Variants in NRP1 observed in about 807,000 individuals in gnomAD.
The protein encoded by NRP1 is neuropilin 1, also known as neuropilin-1.
A neutral mutation model predicts 106.7 loss-of-function variants in NRP1; 35 were observed. The observed-to-expected ratio is 0.33, with a 90% CI of 0.25 to 0.43. The LOEUF is 0.43. Ranked by LOEUF, NRP1 falls within the 20% of genes least tolerant of loss-of-function variation. NRP1 has a pLI of 1.00. For synonymous variants in NRP1, 437 were observed against 417.9 expected (o/e 1.05, Z -0.56); for missense variants, 1,024 against 1,170.4 (o/e 0.87, Z 1.83).
chr10:33,259,704 A>C (rs979380784), intron 4 of NRP1, among the ~76,000 whole-genome samples: 1 of 152,232 alleles, frequency 6.6e-6, no homozygotes, highest in Non-Finnish European at 1.5e-5. Context: ...ATATGCCTAC[A>C]ACGGGCAATG....
chr10:33,186,356 T>C lies in NRP1; in HGVS notation c.2195A>G (p.His732Arg), dbSNP rs750158069. 75 of 1,614,020 alleles carry C rather than the reference T, an allele frequency of 4.6e-5. 1 individual carries two copies. Among genetic ancestry groups the C allele is most frequent in the South Asian group, 1.9e-4 (17 of 91,076 alleles). The change falls in exon 14 of 17, where the codon CAC (histidine) becomes CGC (arginine). Residue 732 changes from histidine to arginine, a missense_variant. His to Arg is a conservative substitution (Grantham distance 29). Coordinates refer to ENST00000374867, the MANE Select transcript of NRP1 (RefSeq NM_003873.7). ...CAGTTTGACCCTGAGTGTGCCGACG[T>C]GGGACCCAGACATGTGATACCAGAA... ...MTFWYHMSGS[H>R]VGTLRVKLRY...
chr10:33,236,029 G>C (rs1840527074), intron 6 of NRP1, among the ~76,000 whole-genome samples: 1 of 152,116 alleles, frequency 6.6e-6, no homozygotes, highest in African/African-American at 2.4e-5. Context: ...GTTCTTTCCA[G>C]GCAGTAAAAG....
intron 8 of NRP1, among the ~76,000 whole-genome samples, chr10:33,218,642 G>C (rs1432663787): frequency 1.3e-5 from 2 of 152,092 alleles, no homozygotes; most frequent in African/African-American, 4.8e-5. Flanking sequence ...ACTGCGCCCA[G>C]TCCAGGATTA....
Position 33,226,294 on chromosome 10 carries a change from A to C in NRP1, c.982-5T>G. 6.2e-7 allele frequency: 1 copy of C among 1,614,060 alleles called. No individual in the cohort carries two copies. The highest frequency in any genetic ancestry group is 1.3e-5 in the African/African-American group (1 of 75,054). On this transcript the variant is annotated splice_region_variant and splice_polypyrimidine_tract_variant and intron_variant, in intron 6 of 16. Transcript: ENST00000374867. ...GCGCAGAAGGCCCAAGTCTACCTGCAAGACAAGTACAAGCGTGGTCAGTGC... is the reference window on the plus strand; with the variant it reads ...GCGCAGAAGGCCCAAGTCTACCTGCCAGACAAGTACAAGCGTGGTCAGTGC...
At chr10:33,185,525 A>G in intron 15 of NRP1, 103 bp downstream of exon 15, 1 of 834,726 alleles carries the variant, frequency 1.2e-6, no homozygotes, top group Non-Finnish European at 1.9e-6. Context: ...GAGAGGCCAC[A>G]CCGAAATTCT....
intron 11 of NRP1, 110 bp downstream of exon 11, chr10:33,202,781 G>A (rs1380434768): frequency 6.3e-7 from 1 of 1,599,016 alleles, no homozygotes; most frequent in South Asian, 1.1e-5. Flanking sequence ...TTCTATTCCT[G>A]GGCAGCTCTC....
intron 2 of NRP1, among the ~76,000 whole-genome samples, chr10:33,316,502 C>T (rs964024011): frequency 2.6e-5 from 4 of 152,174 alleles, no homozygotes; most frequent in African/African-American, 9.7e-5. Flanking sequence ...GGCCAACGCT[C>T]ACGTCAGATT....
chr10:33,215,741 A>G lies in NRP1; in HGVS notation c.1283-2024T>C, dbSNP rs563613198. 9.2e-5 allele frequency among the ~76,000 whole-genome samples: 14 copies of G among 152,372 alleles called. No individual in the cohort carries two copies. The South Asian group carries it at 2.9e-3, about 32-fold the overall frequency. On this transcript the variant is annotated intron_variant, in intron 8 of 16. Coordinates refer to ENST00000374867, the MANE Select transcript of NRP1 (RefSeq NM_003873.7). The stretch of plus-strand genomic sequence containing the variant: ...AACCTTAAGAATTCATTACTCAGAT[A>G]CTTTCCACATGAGTTCTATGGTCCA...
intron 15 of NRP1, 123 bp from the exon 16 acceptor site, chr10:33,182,871 T>C (rs1350484832): frequency 2.1e-5 from 14 of 669,238 alleles, no homozygotes; most frequent in Non-Finnish European, 3.0e-5. Flanking sequence ...ACGTGTCTAC[T>C]GGGCTCCTTT....
intron 2 of NRP1, among the ~76,000 whole-genome samples, chr10:33,271,977 G>C (rs1843338721): frequency 6.6e-6 from 1 of 152,050 alleles, no homozygotes; most frequent in Non-Finnish European, 1.5e-5. Context: ...TACTTAACTT[G>C]GTTCAAAAGT....
intron 2 of NRP1, among the ~76,000 whole-genome samples, chr10:33,313,307 G>A (rs1438109782): frequency 6.6e-6 from 1 of 152,144 alleles, no homozygotes; most frequent in Non-Finnish European, 1.5e-5. Flanking sequence ...GGTCTGGGCT[G>A]GGCTGGAACA....
At chr10:33,263,956 C>T (rs1842753740) in intron 3 of NRP1, 83 bp from the exon 4 acceptor site, 3 of 864,208 alleles carry the variant, frequency 3.5e-6, no homozygotes, top group Non-Finnish European at 5.6e-6. Flanking sequence ...AAAGACAGAA[C>T]ATCTTTCTAA....
intron 2 of NRP1, among the ~76,000 whole-genome samples, chr10:33,320,256 T>C (rs1389041113): frequency 6.7e-6 from 1 of 148,792 alleles, no homozygotes; most frequent in African/African-American, 2.5e-5. Flanking sequence ...GAGGTTGCAG[T>C]GAGCCGACTT....
rs1843235701 is a variant in NRP1, at chr10:33,270,574, GC to G, written c.430+100del. ...ATTCCTGAGCTCAAGTGATCCACCT[GC>G]CTCGGCCTCCCAAAGTGCTGAGATT... is the stretch of plus-strand genomic sequence containing the variant. On this transcript the variant is annotated intron_variant, in intron 3 of 16. Coordinates refer to ENST00000374867, the MANE Select transcript of NRP1 (RefSeq NM_003873.7). 9.3e-6 allele frequency: 9 copies of G among 968,700 alleles called. 1 individual carries two copies. In the South Asian group the frequency reaches 1.9e-4, roughly 21 times the overall value. The allele number at this position is 968,700 out of a possible 1,614,324, so 60.0% of individuals were successfully genotyped here.
At chr10:33,286,523 T>C (rs1844565847) in intron 2 of NRP1, among the ~76,000 whole-genome samples, 1 of 152,076 alleles carries the variant, frequency 6.6e-6, no homozygotes, top group South Asian at 2.1e-4. Flanking sequence ...ATCCAGGAAA[T>C]GGAGAGAGGT....
Position 33,330,702 on chromosome 10 carries a change from A to T in NRP1, c.248+6T>A, listed in dbSNP as rs1222719347. 1 of 1,607,914 alleles carries T rather than the reference A, an allele frequency of 6.2e-7. No homozygotes were observed. The highest frequency in any genetic ancestry group is 2.2e-5 in the East Asian group (1 of 44,750). ...TGGTGCCCTGTTCAAAAACATTCCC[A>T]CTTACTTGCAGTCTCTGTCCTCCAA... On this transcript the variant is annotated splice_donor_region_variant and intron_variant, in intron 2 of 16. Transcript: ENST00000374867.
chr10:33,183,875 G>A (rs1308164555), intron 15 of NRP1, among the ~76,000 whole-genome samples: 1 of 152,162 alleles, frequency 6.6e-6, no homozygotes, highest in Admixed American at 6.5e-5. Context: ...GTGGTTTAAT[G>A]GAGCCGTAGT....
intron 2 of NRP1, among the ~76,000 whole-genome samples, chr10:33,293,513 C>T (rs1324692040): frequency 6.6e-6 from 1 of 152,088 alleles, no homozygotes; most frequent in Non-Finnish European, 1.5e-5. Context: ...CTTCTCTGAC[C>T]CCTAAATGCT....
In NRP1 at chr10:33,309,952, T is replaced by A. The variant is rs1175856283; in HGVS notation, c.248+20756A>T. On this transcript the variant is annotated intron_variant, in intron 2 of 16. Transcript: ENST00000374867. ...ACCTACTCTCTTGCTGTATTTGCCTTTTTTTTTTTTTTTGAGACGGAGTCT... is the reference window on the plus strand; with the variant it reads ...ACCTACTCTCTTGCTGTATTTGCCTATTTTTTTTTTTTTGAGACGGAGTCT... Among the ~76,000 whole-genome samples the A allele has an allele frequency of 1.7e-4, 10 of 57,392 alleles. No homozygotes were observed. The Admixed American group carries it at 2.5e-3, about 14-fold the overall frequency. The allele number at this position is 57,392 out of a possible 152,430, so 37.7% of individuals were successfully genotyped here.
Sources: gnomAD v4.1 joint callset for allele counts (sites outside exome capture counted in the v4.1 genomes callset) on GRCh38, gnomAD v4.1.1 for gene constraint, MANE v1.5 for transcripts, NCBI Gene and HGNC (gene_info 2026-07-23, HGNC 2026-07-21) for gene names.